The following ROBO1 variants were observed in gnomAD, a reference collection of about 807,000 sequenced individuals.
The protein encoded by ROBO1 is roundabout homolog 1.
In ROBO1, 149 loss-of-function variants were observed where a neutral mutation model predicts 195.9. The ratio of observed to expected loss-of-function variants is 0.76; its 90% CI spans 0.67 to 0.87. The LOEUF is 0.87. Ranked by LOEUF, ROBO1 falls within the 40% of genes least tolerant of loss-of-function variation. The pLI, the probability that ROBO1 is intolerant of heterozygous loss-of-function variation, is 0.00. For synonymous variants in ROBO1, 816 were observed against 733.2 expected (o/e 1.11, Z -1.82); for missense variants, 1,933 against 2,068.3 (o/e 0.93, Z 1.27).
rs550670366 is a variant in ROBO1, at chr3:78,847,374, C to G, written c.499+91227G>C. ...GCCACCGTGTGTTACTTTTTAACAG[C>G]TATACTGCAGAACGCATGTGCAAAG... On this transcript the variant is annotated intron_variant, in intron 4 of 30. Coordinates refer to ENST00000464233, the MANE Select transcript of ROBO1 (RefSeq NM_002941.4). 5.3e-5 allele frequency among the ~76,000 whole-genome samples: 8 copies of G among 152,182 alleles called. No homozygotes were observed. In the East Asian group the frequency reaches 7.7e-4, roughly 15 times the overall value.
chr3:79,247,041 A>G (rs1388906365), intron 2 of ROBO1, among the ~76,000 whole-genome samples: 1 of 150,848 alleles, frequency 6.6e-6, no homozygotes, highest in African/African-American at 2.4e-5. Context: ...GGCTCATCTT[A>G]TCCTTTTTTC....
chr3:79,710,435 C>T (rs1379881838), intron 1 of ROBO1, among the ~76,000 whole-genome samples: 1 of 152,122 alleles, frequency 6.6e-6, no homozygotes, highest in African/African-American at 2.4e-5. Flanking sequence ...AGAAAACAGT[C>T]TAACAAGGTC....
chr3:79,520,511 A>T (rs925323861), intron 2 of ROBO1, among the ~76,000 whole-genome samples: 18 of 152,340 alleles, frequency 1.2e-4, no homozygotes, highest in African/African-American at 4.3e-4. Context: ...TCCTTCAGCC[A>T]TGGCAAATGT....
At chr3:79,269,322 C>T (rs2030298972) in intron 2 of ROBO1, among the ~76,000 whole-genome samples, 1 of 151,752 alleles carries the variant, frequency 6.6e-6, no homozygotes, top group African/African-American at 2.4e-5. Context: ...CAGTGACTTT[C>T]TCAGAGTAAG....
At chr3:79,685,158 A>T (rs1334897779) in intron 1 of ROBO1, among the ~76,000 whole-genome samples, 1 of 152,160 alleles carries the variant, frequency 6.6e-6, no homozygotes, top group Non-Finnish European at 1.5e-5. Context: ...TACTCAATTC[A>T]CTTAATGATC....
intron 1 of ROBO1, among the ~76,000 whole-genome samples, chr3:79,598,280 A>G (rs1232547041): frequency 1.3e-5 from 2 of 152,064 alleles, no homozygotes; most frequent in Non-Finnish European, 2.9e-5. Flanking sequence ...ATTGATTAAT[A>G]ATACAGAGAA....
In ROBO1 at chr3:79,555,675, T is replaced by A. The variant is rs1269891110; in HGVS notation, c.88+34149A>T. The stretch of plus-strand genomic sequence containing the variant: ...TGTTATGGAGCTTTTGATAGTTTCC[T>A]GTGAGGCTTGGTTACATGGTTAAGA... On this transcript the variant is annotated intron_variant, in intron 2 of 30. Coordinates refer to ENST00000464233, the MANE Select transcript of ROBO1 (RefSeq NM_002941.4). Among the ~76,000 whole-genome samples, 5 of 152,298 alleles carry A rather than the reference T, an allele frequency of 3.3e-5. 1 individual carries two copies. In the Middle Eastern group the frequency reaches 0.01, roughly 311 times the overall value.
chr3:79,300,693 G>A (rs1484007005), intron 2 of ROBO1, among the ~76,000 whole-genome samples: 1 of 152,218 alleles, frequency 6.6e-6, no homozygotes, highest in African/African-American at 2.4e-5. Flanking sequence ...GTCTGGTGGG[G>A]AGGTGGAGAA....
intron 2 of ROBO1, among the ~76,000 whole-genome samples, chr3:79,399,036 A>C (rs890845376): frequency 1.6e-4 from 24 of 152,200 alleles, no homozygotes; most frequent in African/African-American, 5.5e-4. Context: ...GATTATGCTG[A>C]GAAATAGAAT....
chr3:79,676,338 G>T (rs2106937948), intron 1 of ROBO1, among the ~76,000 whole-genome samples: 1 of 152,074 alleles, frequency 6.6e-6, no homozygotes, highest in Admixed American at 6.6e-5. Context: ...GCAGATTAAA[G>T]CAAACCATTT....
At position 78,676,519 on chromosome 3, in the gene ROBO1, G is replaced by A. The variant is rs926485658; in HGVS notation, c.1343-6218C>T. ...CTGAAAGCCAAAGCTCGAGAACTAC[G>A]TGAAGAATGCAGAAGCCTCAGGAGC... On this transcript the variant is annotated intron_variant, in intron 10 of 30. Coordinates refer to ENST00000464233, the MANE Select transcript of ROBO1 (RefSeq NM_002941.4). 1.1e-4 allele frequency among the ~76,000 whole-genome samples: 17 copies of A among 152,312 alleles called. No homozygotes were observed. The East Asian group carries it at 2.9e-3, about 26-fold the overall frequency.
At chr3:79,475,417 G>T (rs1241991097) in intron 2 of ROBO1, among the ~76,000 whole-genome samples, 2 of 151,892 alleles carry the variant, frequency 1.3e-5, no homozygotes, top group East Asian at 3.9e-4. Flanking sequence ...TAAAGGGTAA[G>T]AAATAAAAAT....
chr3:78,664,983 A>G lies in ROBO1; in HGVS notation c.1967-2869T>C, dbSNP rs149557218. 4.5e-3 allele frequency among the ~76,000 whole-genome samples: 684 copies of G among 152,310 alleles called. 5 individuals carry two copies. Among genetic ancestry groups the G allele is most frequent in the Non-Finnish European group, 8.0e-3 (547 of 68,020 alleles). On this transcript the variant is annotated intron_variant, in intron 14 of 30. Coordinates refer to ENST00000464233, the MANE Select transcript of ROBO1 (RefSeq NM_002941.4). ...TCTGTTGCCTCGAGCTAGAATAAGC[A>G]TAACTCTTCCATACGGCAGTCTCTT...
In ROBO1 at chr3:79,687,358, C is replaced by A. The variant is rs146293211; in HGVS notation, c.-51+80394G>T. Among the ~76,000 whole-genome samples the A allele has an allele frequency of 7.7e-3, 1,171 of 152,088 alleles. 15 individuals are homozygous for A. Among genetic ancestry groups the A allele is most frequent in the African/African-American group, 0.026 (1,099 of 41,484 alleles). The stretch of plus-strand genomic sequence containing the variant: ...ACACCAAAAGCAATGGCAACAAAAG[C>A]CAAAATTGACAAATGGGATCTAATT... On this transcript the variant is annotated intron_variant, in intron 1 of 30. Transcript: ENST00000464233.
At chr3:78,689,555 T>C (rs1471880086) in intron 8 of ROBO1, among the ~76,000 whole-genome samples, 1 of 152,104 alleles carries the variant, frequency 6.6e-6, no homozygotes, top group Admixed American at 6.6e-5. Flanking sequence ...GTTTTTGGGC[T>C]GAGCTTTGTG....
intron 2 of ROBO1, among the ~76,000 whole-genome samples, chr3:79,566,908 C>A (rs1352138347): frequency 6.6e-6 from 1 of 152,022 alleles, no homozygotes; most frequent in Non-Finnish European, 1.5e-5. Flanking sequence ...AAATACCGTT[C>A]AACCCGGCAA....
intron 2 of ROBO1, among the ~76,000 whole-genome samples, chr3:79,556,150 G>A (rs1942691508): frequency 6.6e-6 from 1 of 151,664 alleles, no homozygotes; most frequent in Non-Finnish European, 1.5e-5. Context: ...TAAATATATA[G>A]AATTATAAAT....
intron 2 of ROBO1, among the ~76,000 whole-genome samples, chr3:79,581,635 AT>A (rs1305615376): frequency 6.6e-6 from 1 of 152,052 alleles, no homozygotes; most frequent in Non-Finnish European, 1.5e-5. Flanking sequence ...CTAACATGCT[AT>A]TTTTTCCCTT....
At position 79,092,107 on chromosome 3, in the gene ROBO1, G is replaced by C. The variant is rs149276081; in HGVS notation, c.172+33349C>G. ...ACATGAGAGATGACAACGATGGCTT[G>C]AATCAGTGAGGCAGAGACGGGAAAC... On this transcript the variant is annotated intron_variant, in intron 3 of 30. Transcript: ENST00000464233. Among the ~76,000 whole-genome samples the C allele has an allele frequency of 4.4e-3, 673 of 152,280 alleles. 6 individuals carry two copies. Among genetic ancestry groups the C allele is most frequent in the Non-Finnish European group, 6.0e-3 (407 of 68,028 alleles).
Sources: gnomAD v4.1 joint callset for allele counts (sites outside exome capture counted in the v4.1 genomes callset) on GRCh38, gnomAD v4.1.1 for gene constraint, MANE v1.5 for transcripts, NCBI Gene and HGNC (gene_info 2026-07-23, HGNC 2026-07-21) for gene names.